SIPA1L3: variants seen among roughly 807,000 people sequenced by gnomAD.
The protein encoded by SIPA1L3 is signal induced proliferation associated 1 like 3, also known as signal-induced proliferation-associated 1-like protein 3.
A neutral mutation model predicts 150.1 loss-of-function variants in SIPA1L3; 59 were observed. That is an observed-to-expected ratio of 0.39 (90% confidence interval 0.32 to 0.49). The LOEUF is 0.49. SIPA1L3 is among the 20% of genes least tolerant of loss of function. The pLI is 0.86. For synonymous variants in SIPA1L3, 1,070 were observed against 1,077.6 expected, an observed-to-expected ratio of 0.99 and a Z score of 0.14; for missense variants, 2,211 against 2,489.5, an observed-to-expected ratio of 0.89 and a Z score of 2.38.
chr19:37,955,088 CAAA>C (rs34802797), intron 1 of SIPA1L3, among the ~76,000 whole-genome samples: 6 of 45,424 alleles, frequency 1.3e-4, no homozygotes, highest in African/African-American at 9.0e-5. Flanking sequence ...TGCTGTCTCT[CAAA>C]AAAAAAAAAA....
At chr19:38,131,725 C>G (rs4802247) in intron 10 of SIPA1L3, 2 of 148,856 alleles carry the variant, frequency 1.3e-5, no homozygotes, top group African/African-American at 2.5e-5. Context: ...CTCCACCTCC[C>G]GGGTTCAAGC....
intron 16 of SIPA1L3, among the ~76,000 whole-genome samples, chr19:38,188,359 A>G (rs1972733570): frequency 6.6e-6 from 1 of 151,486 alleles, no homozygotes; most frequent in African/African-American, 2.4e-5. Flanking sequence ...TAATTTTTGT[A>G]TTTTTAGTAG....
At chr19:37,963,417 A>T (rs1314266724) in intron 1 of SIPA1L3, among the ~76,000 whole-genome samples, 2 of 152,168 alleles carry the variant, frequency 1.3e-5, no homozygotes, top group Non-Finnish European at 2.9e-5. Context: ...TGGCTGGTCT[A>T]CAGGCCTGCT....
chr19:37,966,439 G>C (rs779197764), intron 1 of SIPA1L3, among the ~76,000 whole-genome samples: 7 of 152,178 alleles, frequency 4.6e-5, no homozygotes, highest in Non-Finnish European at 7.3e-5. Flanking sequence ...GAAGCTGGAG[G>C]AATGTTATGA....
At chr19:37,954,006 G>A (rs1386913238) in intron 1 of SIPA1L3, among the ~76,000 whole-genome samples, 1 of 152,124 alleles carries the variant, frequency 6.6e-6, no homozygotes, top group East Asian at 1.9e-4. Flanking sequence ...CTTTAAATTT[G>A]TCTTATTTGT....
intron 4 of SIPA1L3, among the ~76,000 whole-genome samples, chr19:38,099,058 C>T (rs1970440892): frequency 6.6e-6 from 1 of 151,830 alleles, no homozygotes; most frequent in Non-Finnish European, 1.5e-5. Context: ...TTTTCTCAGA[C>T]TGAGTGTTGC....
intron 1 of SIPA1L3, among the ~76,000 whole-genome samples, chr19:37,915,468 G>A (rs1224596972): frequency 2.0e-5 from 3 of 151,834 alleles, no homozygotes; most frequent in Non-Finnish European, 4.4e-5. Context: ...TGCAACCTCC[G>A]CTTCCTGGGT....
intron 1 of SIPA1L3, among the ~76,000 whole-genome samples, chr19:37,980,972 T>C (rs2145614109): frequency 6.6e-6 from 1 of 152,334 alleles, no homozygotes; most frequent in East Asian, 1.9e-4. Context: ...ATCTTTTCAG[T>C]AGACACAGTC....
intron 1 of SIPA1L3, among the ~76,000 whole-genome samples, chr19:37,959,714 C>T (rs1568479796): frequency 6.6e-6 from 1 of 151,990 alleles, no homozygotes; most frequent in East Asian, 1.9e-4. Context: ...CTGTATGCCT[C>T]ACATCTTTTT....
chr19:38,106,476 G>C (rs1252976719), intron 6 of SIPA1L3, 61 bp from the exon 7 acceptor site: 1 of 1,056,070 alleles, frequency 9.5e-7, no homozygotes, highest in South Asian at 1.3e-5. Context: ...GATGGTACGT[G>C]GGATATGGCA....
At chr19:37,916,896 T>C (rs1269825765) in intron 1 of SIPA1L3, among the ~76,000 whole-genome samples, 1 of 151,920 alleles carries the variant, frequency 6.6e-6, no homozygotes, top group East Asian at 1.9e-4. Flanking sequence ...GAGGTGACAG[T>C]TGCAGTGAGC....
chr19:38,081,643 C>T lies in SIPA1L3; in HGVS notation c.78C>T (p.Leu26=). 6.2e-7 allele frequency: 1 copy of T among 1,610,252 alleles called. No homozygotes were observed. Among genetic ancestry groups the T allele is most frequent in the Non-Finnish European group, 8.5e-7 (1 of 1,178,038 alleles). Residue 26 remains leucine (L), a synonymous_variant, in exon 3 of 22, where the codon CTC becomes CTT. Coordinates refer to ENST00000222345, the MANE Select transcript of SIPA1L3 (RefSeq NM_015073.3). ...ASCGARVGDV[L]PGPHTGDYAP... ...GTGGCGCCAGGGTGGGCGATGTCCT[C>T]CCTGGGCCACACACAGGGGACTACG...
chr19:38,182,435 C>T, intron 15 of SIPA1L3, 84 bp from the exon 16 acceptor site: 2 of 1,047,166 alleles, frequency 1.9e-6, no homozygotes, highest in South Asian at 1.5e-5. Context: ...TTTTTTGATT[C>T]CCAAGAGTAA....
At chr19:38,129,926 G>A (rs1352282993) in intron 9 of SIPA1L3, among the ~76,000 whole-genome samples, 2 of 152,106 alleles carry the variant, frequency 1.3e-5, no homozygotes, top group Non-Finnish European at 2.9e-5. Context: ...AATTAGCCAG[G>A]CGTGGTAGCA....
At chr19:38,187,149 C>G (rs566404210) in intron 16 of SIPA1L3, among the ~76,000 whole-genome samples, 30 of 151,726 alleles carry the variant, frequency 2.0e-4, no homozygotes, top group Admixed American at 2.6e-4. Flanking sequence ...GAGGTCCCAC[C>G]TGCATAAAAA....
At chr19:38,168,449 G>A (rs910710506) in intron 15 of SIPA1L3, among the ~76,000 whole-genome samples, 5 of 151,898 alleles carry the variant, frequency 3.3e-5, no homozygotes, top group Admixed American at 1.3e-4. Context: ...GGGTGACGGA[G>A]TGAAACTCTG....
At chr19:38,061,881 G>GA (rs1969452312) in intron 2 of SIPA1L3, among the ~76,000 whole-genome samples, 2 of 142,306 alleles carry the variant, frequency 1.4e-5, no homozygotes. Context: ...TTTGAGTTTT[G>GA]TTTTTTTTTT....
chr19:38,112,148 G>GGCACATGCATCCACACACAT (rs912416923), intron 8 of SIPA1L3, among the ~76,000 whole-genome samples: 3 of 145,432 alleles, frequency 2.1e-5, no homozygotes, highest in Non-Finnish European at 4.5e-5. Context: ...CCTGCACACA[G>GGCACATGCATCCACACACAT]GCACATGCAT....
At chr19:38,042,587 T>C (rs1968951957) in intron 2 of SIPA1L3, among the ~76,000 whole-genome samples, 1 of 152,220 alleles carries the variant, frequency 6.6e-6, no homozygotes. Flanking sequence ...CATTTAAGTT[T>C]TTAAAAGCTA....
Sources: gnomAD v4.1 joint callset for allele counts (sites outside exome capture counted in the v4.1 genomes callset) on GRCh38, gnomAD v4.1.1 for gene constraint, MANE v1.5 for transcripts, NCBI Gene and HGNC (gene_info 2026-07-23, HGNC 2026-07-21) for gene names.